ITGA3: variants seen among roughly 807,000 people sequenced by gnomAD.
ITGA3 encodes integrin subunit alpha 3, also known as integrin alpha-3.
ITGA3 carries 70 observed loss-of-function variants against 131.1 expected under a neutral mutation model. That is an observed-to-expected ratio of 0.53 (90% CI 0.44 to 0.65). The LOEUF (loss-of-function observed/expected upper bound fraction) is 0.65. Among genes scored for constraint, ITGA3 ranks in the 30% least tolerant of loss-of-function variants. ITGA3 has a pLI of 0.00. For synonymous variants in ITGA3, 537 were observed against 571.6 expected (o/e 0.94, Z 0.86); for missense variants, 1,098 against 1,388.6 (o/e 0.79, Z 3.33).
rs755645591 is a variant in ITGA3, at chr17:50,064,176, CTG to C, written c.309_310del (p.Cys103Ter). On this transcript the variant is annotated frameshift_variant, in exon 2 of 26. Transcript: ENST00000320031. LOFTEE classifies it high-confidence loss of function. This position sits in a 1 kb window ranked among gnomAD's most constrained non-coding sequence, Gnocchi z 4.4. The stretch of plus-strand genomic sequence containing the variant: ...GCCCACTCACTGCCCACAAGGATGA[CTG>C]TGAGCGGATGAACATCACAGTGAAA... ...LCPLTAHKDD[C>X]ERMNITVKND... 6.2e-7 allele frequency: 1 copy of C among 1,610,184 alleles called. No homozygotes were observed. The highest frequency in any genetic ancestry group is 8.5e-7 in the Non-Finnish European group (1 of 1,178,632).
chr17:50,071,907 A>G, intron 6 of ITGA3, 79 bp from the exon 7 acceptor site: 1 of 1,314,032 alleles, frequency 7.6e-7, no homozygotes, highest in Middle Eastern at 1.9e-4. Flanking sequence ...GCCCTGGCAC[A>G]GTCACACCTG....
intron 1 of ITGA3, among the ~76,000 whole-genome samples, chr17:50,057,254 A>C (rs1033470659): frequency 6.6e-6 from 1 of 151,928 alleles, no homozygotes; most frequent in East Asian, 1.9e-4. Context: ...ACTTGTCCCA[A>C]CTCTGGCTGG....
In ITGA3 at chr17:50,089,024, G is replaced by A. The variant is rs1598201803; in HGVS notation, c.*32-86G>A. 3 of 1,014,864 alleles carry A rather than the reference G, an allele frequency of 3.0e-6. No homozygotes were observed. In the East Asian group the frequency reaches 7.2e-5, roughly 24 times the overall value. The allele number at this position is 1,014,864 out of a possible 1,614,324, so 62.9% of individuals were successfully genotyped here. On this transcript the variant is annotated intron_variant, in intron 25 of 25. Transcript: ENST00000320031. ...AGAGTTCTGGCTTTGAGGAGTTCTG[G>A]GTGGGAGAGGGAGAGGCCTGGCACT...
intron 3 of ITGA3, among the ~76,000 whole-genome samples, chr17:50,066,402 C>G (rs562533928): frequency 1.3e-3 from 203 of 151,510 alleles, no homozygotes; most frequent in African/African-American, 4.6e-3. Flanking sequence ...TCACTGTAGC[C>G]TTGAACTCCT....
chr17:50,089,396 C>T lies in ITGA3; in HGVS notation c.*318C>T, dbSNP rs1002742740. ...GCAGCAGGCTCAGGCACATACACCT[C>T]GTCAAGAGCATGCACATGCTGTCTG... On this transcript the variant is annotated 3_prime_UTR_variant, in exon 26 of 26. Transcript: ENST00000320031. 1.7e-5 allele frequency: 12 copies of T among 708,262 alleles called. No individual in the cohort carries two copies. The highest frequency in any genetic ancestry group is 6.8e-5 in the South Asian group (4 of 58,548). The allele number at this position is 708,262 out of a possible 1,614,324, so 43.9% of individuals were successfully genotyped here.
In ITGA3 at chr17:50,076,319, T is replaced by A. The variant is rs948707682; in HGVS notation, c.1675-7T>A. Reference sequence around the variant, plus strand: ...AGGGCCGGGCTCAGCTCACCCTCTCTCCCCAGGACAACCTCCGTGACAAAC... The same window carrying A: ...AGGGCCGGGCTCAGCTCACCCTCTCACCCCAGGACAACCTCCGTGACAAAC... On this transcript the variant is annotated splice_region_variant and splice_polypyrimidine_tract_variant and intron_variant, in intron 12 of 25. Transcript: ENST00000320031. 9 of 1,612,488 alleles carry A rather than the reference T, an allele frequency of 5.6e-6. No individual in the cohort carries two copies. The highest frequency in any genetic ancestry group is 7.6e-6 in the Non-Finnish European group (9 of 1,179,318).
At chr17:50,071,244 A>T in intron 5 of ITGA3, 67 bp from the exon 6 acceptor site, 1 of 1,373,250 alleles carries the variant, frequency 7.3e-7, no homozygotes, top group South Asian at 1.2e-5. Context: ...GAATAGGGAG[A>T]TGGGTCCAGA....
In ITGA3 at chr17:50,090,242, A is replaced by C; in HGVS notation, c.*1164A>C. On this transcript the variant is annotated 3_prime_UTR_variant, in exon 26 of 26. Transcript: ENST00000320031. The stretch of plus-strand genomic sequence containing the variant: ...GGGCCTAGAGGTGGAGTTCTTAGCT[A>C]TCCTTGGCTTTCAGAGCCAGCCTGG... 2.2e-6 allele frequency: 1 copy of C among 456,424 alleles called. No individual in the cohort carries two copies. The allele number at this position is 456,424 out of a possible 1,614,324, so 28.3% of individuals were successfully genotyped here. A position where few individuals can be genotyped will look rare whatever the true frequency, so the allele number is the denominator to read the frequency against.
rs774733559 is a variant in ITGA3 at position 50,075,533 on chromosome 17, G to T, written c.1537+7G>T. 2 of 1,614,242 alleles carry T rather than the reference G, an allele frequency of 1.2e-6. No homozygotes were observed. Among genetic ancestry groups the T allele is most frequent in the African/African-American group, 1.3e-5 (1 of 75,070 alleles). ...AACTACAGGCGAAACATCAGTGAGT[G>T]CTGGGGTGCAGCGTAAAAGGGGTAC... On this transcript the variant is annotated splice_region_variant and intron_variant, in intron 11 of 25. Transcript: ENST00000320031.
At chr17:50,077,729 C>G (rs1908982995) in intron 16 of ITGA3, among the ~76,000 whole-genome samples, 1 of 152,208 alleles carries the variant, frequency 6.6e-6, no homozygotes, top group African/African-American at 2.4e-5. Flanking sequence ...CACTGTGCTT[C>G]TTTGATATGA....
At chr17:50,078,009 C>T in intron 16 of ITGA3, 37 bp from the exon 17 acceptor site, 1 of 1,566,072 alleles carries the variant, frequency 6.4e-7, no homozygotes, top group Non-Finnish European at 8.8e-7. Flanking sequence ...CGCCAGGCCC[C>T]ATATGCCACT....
Position 50,056,296 on chromosome 17 carries a change from G to A in ITGA3, c.-144G>A, listed in dbSNP as rs1476805076. The A allele has an allele frequency of 1.9e-6, 1 of 539,434 alleles. No homozygotes were observed. Among genetic ancestry groups the A allele is most frequent in the Non-Finnish European group, 3.1e-6 (1 of 319,958 alleles). 33.4% of individuals were successfully genotyped at this position (539,434 alleles called of 1,614,324 possible). ...GCTGTGAAACTGGCTGGGGCTGGGGGCACGAAACCGATCAGCGCTACGGAG... is the reference window on the plus strand; with the variant it reads ...GCTGTGAAACTGGCTGGGGCTGGGGACACGAAACCGATCAGCGCTACGGAG... On this transcript the variant is annotated 5_prime_UTR_variant, in exon 1 of 26. Transcript: ENST00000320031. This position sits in a 1 kb window ranked among gnomAD's most constrained non-coding sequence, Gnocchi z 5.6.
chr17:50,058,360 G>C (rs1369529300), intron 1 of ITGA3, among the ~76,000 whole-genome samples: 1 of 152,224 alleles, frequency 6.6e-6, no homozygotes, highest in Admixed American at 6.5e-5. Context: ...ACATGTTGGA[G>C]GGAGGGGAAC....
chr17:50,081,322 T>G lies in ITGA3; in HGVS notation c.2833T>G (p.Phe945Val). 6.3e-7 allele frequency: 1 copy of G among 1,587,242 alleles called. No homozygotes were observed. Among genetic ancestry groups the G allele is most frequent in the Non-Finnish European group, 8.6e-7 (1 of 1,164,896 alleles). ...ACTCCCAATCCAGGATTACAGAGAC[T>G]TTGACCGAGTCCGGGTAAATGGCTG... is the stretch of plus-strand genomic sequence containing the variant. ...NSTFIEDYRD[F>V]DRVRVNGWAT... Residue 945 changes from phenylalanine (F) to valine (V), a missense_variant, in exon 23 of 26, where the codon TTT (phenylalanine) becomes GTT (valine). Physicochemically the swap from Phe to Val is conservative, Grantham distance 50 (BLOSUM62 -1). Coordinates refer to ENST00000320031, the MANE Select transcript of ITGA3 (RefSeq NM_002204.4).
At position 50,056,673 on chromosome 17, in the gene ITGA3, G is replaced by C; in HGVS notation, c.206+28G>C. The C allele has an allele frequency of 6.3e-7, 1 of 1,578,784 alleles. No homozygotes were observed. The highest frequency in any genetic ancestry group is 8.6e-7 in the Non-Finnish European group (1 of 1,161,672). ...AAGTGAAGCTGGAGGGTGTGGGGTG[G>C]GAGCGAGAGAGTGTGCGAGCGCGGG... On this transcript the variant is annotated intron_variant, in intron 1 of 25. Coordinates refer to ENST00000320031, the MANE Select transcript of ITGA3 (RefSeq NM_002204.4). The surrounding 1 kb of genome is among the most constrained non-coding windows in gnomAD (Gnocchi z 5.6).
chr17:50,073,593 A>AAC (rs71146961), intron 7 of ITGA3, among the ~76,000 whole-genome samples: 9,059 of 144,132 alleles, frequency 0.063, 405 homozygotes, highest in African/African-American at 0.14. Context: ...ACTGTCTATA[A>AAC]ACACACACAC....
Position 50,087,817 on chromosome 17 carries a change from C to G in ITGA3, c.2993C>G (p.Ala998Gly). 6.2e-7 allele frequency: 1 copy of G among 1,611,736 alleles called. No individual in the cohort carries two copies. The highest frequency in any genetic ancestry group is 8.5e-7 in the Non-Finnish European group (1 of 1,179,146). Reference protein sequence around the residue: ...AEIELWLVLVAVGAGLLLLGL... With the variant: ...AEIELWLVLVGVGAGLLLLGL... ...ATCGAGCTGTGGCTGGTGCTGGTGGCCGTGGGTGCAGGGCTGCTGCTGCTG... is the reference window on the plus strand; with the variant it reads ...ATCGAGCTGTGGCTGGTGCTGGTGGGCGTGGGTGCAGGGCTGCTGCTGCTG... Residue 998 changes from alanine to glycine, a missense_variant, in exon 24 of 26, where the codon GCC becomes GGC. Physicochemically the swap from Ala to Gly is moderately conservative, Grantham distance 60. Around this residue, in one of 3 missense-constraint regions of ITGA3, gnomAD observed 699 missense variants for 829.2 expected, o/e 0.84. Transcript: ENST00000320031.
At chr17:50,079,888 C>G (rs1909105495) in intron 21 of ITGA3, among the ~76,000 whole-genome samples, 1 of 152,180 alleles carries the variant, frequency 6.6e-6, no homozygotes, top group African/African-American at 2.4e-5. Flanking sequence ...TGCGTGTGCC[C>G]TCTGCAGGAA....
At chr17:50,070,778 G>C in intron 4 of ITGA3, 66 bp from the exon 5 acceptor site, 1 of 1,047,408 alleles carries the variant, frequency 9.5e-7, no homozygotes, top group Non-Finnish European at 1.5e-6. Flanking sequence ...GCTGGACATG[G>C]TAGAGGAAAC....
Sources: gnomAD v4.1 joint callset for allele counts (sites outside exome capture counted in the v4.1 genomes callset) on GRCh38, gnomAD v4.1.1 for gene constraint, gnomAD v4.1.1 regional missense constraint, Gnocchi (gnomAD v3.1) non-coding constraint, MANE v1.5 for transcripts, NCBI Gene and HGNC (gene_info 2026-07-23, HGNC 2026-07-21) for gene names.